Variants in GSG1 observed in about 807,000 individuals in gnomAD.
GSG1 encodes germ cell associated 1.
In GSG1, 28 loss-of-function variants were observed where a neutral mutation model predicts 30.8. The ratio of observed to expected loss-of-function variants is 0.91; its 90% CI spans 0.67 to 1.25. The LOEUF (loss-of-function observed/expected upper bound fraction) is 1.25. Among genes scored for constraint, GSG1 ranks in the 50% most tolerant of loss-of-function variants. The pLI, the probability that GSG1 is intolerant of heterozygous loss-of-function variation, is 0.00. For missense variants in GSG1, 435 were observed against 444.7 expected (o/e 0.98, Z 0.20); for synonymous variants, 162 against 178.0 (o/e 0.91, Z 0.71).
Position 13,099,245 on chromosome 12 carries a change from G to A in GSG1, c.48+4220C>T, listed in dbSNP as rs116416744. ...CTTCCTTTCATTGTAATTTGGGCAT[G>A]TTAATATTTTTTTCTTCCTTTTCCT... On this transcript the variant is annotated intron_variant, in intron 1 of 6. Coordinates refer to ENST00000651961, the MANE Select transcript of GSG1 (RefSeq NM_001080555.4). Among the ~76,000 whole-genome samples, 847 of 152,316 alleles carry A rather than the reference G, an allele frequency of 5.6e-3. 4 individuals are homozygous for A. Among genetic ancestry groups the A allele is most frequent in the African/African-American group, 0.019 (788 of 41,574 alleles).
At position 13,085,038 on chromosome 12, in the gene GSG1, A is replaced by G. The variant is rs768051558; in HGVS notation, c.952T>C (p.Tyr318His). The change falls in exon 7 of 7, where the codon TAT (tyrosine) becomes CAT (histidine). Residue 318 changes from tyrosine (Y) to histidine (H), a missense_variant. By Grantham distance (83) the Tyr-to-His change is moderately conservative. Coordinates refer to ENST00000651961, the MANE Select transcript of GSG1 (RefSeq NM_001080555.4). ...ACAGAGTGGATGGGCTGATTATGATACTGGTGGTAGCTGGTCAAAGGACCC... is the reference window on the plus strand; with the variant it reads ...ACAGAGTGGATGGGCTGATTATGATGCTGGTGGTAGCTGGTCAAAGGACCC... ...TVGPLTSYHQ[Y>H]HNQPIHSVSE... The G allele has an allele frequency of 6.3e-7, 1 of 1,584,432 alleles. No individual in the cohort carries two copies. The highest frequency in any genetic ancestry group is 1.1e-5 in the South Asian group (1 of 87,662).
chr12:13,086,246 G>A (rs1203311160), intron 6 of GSG1, among the ~76,000 whole-genome samples: 2 of 152,240 alleles, frequency 1.3e-5, no homozygotes, highest in African/African-American at 2.4e-5. Flanking sequence ...CCTGAAGACA[G>A]ACAAAAGGTG....
intron 1 of GSG1, among the ~76,000 whole-genome samples, chr12:13,100,953 C>T (rs1863151084): frequency 6.6e-6 from 1 of 152,194 alleles, no homozygotes; most frequent in South Asian, 2.1e-4. Flanking sequence ...AAAAGCGTAT[C>T]GGGGCCTCGT....
At chr12:13,085,600 C>T (rs929864785) in intron 6 of GSG1, among the ~76,000 whole-genome samples, 7 of 151,872 alleles carry the variant, frequency 4.6e-5, no homozygotes, top group African/African-American at 1.7e-4. Flanking sequence ...CCAAGATTCC[C>T]CAGGCCTGAA....
rs1158919435 is a variant in GSG1 at position 13,091,999 on chromosome 12, C to T, written c.49-1181G>A. Among the ~76,000 whole-genome samples, 4 of 152,176 alleles carry T rather than the reference C, an allele frequency of 2.6e-5. No homozygotes were observed. In the South Asian group the frequency reaches 6.2e-4, roughly 24 times the overall value. On this transcript the variant is annotated intron_variant, in intron 1 of 6. Coordinates refer to ENST00000651961, the MANE Select transcript of GSG1 (RefSeq NM_001080555.4). Reference sequence around the variant, plus strand: ...ATGCATCTTTAAGTTGAACCTTACACAGATCCAACTACAGAAAAGTGGTGA... The same window carrying T: ...ATGCATCTTTAAGTTGAACCTTACATAGATCCAACTACAGAAAAGTGGTGA...
intron 1 of GSG1, among the ~76,000 whole-genome samples, chr12:13,092,789 C>CT (rs139352942): frequency 1.2e-4 from 17 of 144,550 alleles, no homozygotes; most frequent in African/African-American, 4.3e-4. Context: ...TAAACTTTTT[C>CT]TTTTTTTTTT....
At position 13,087,257 on chromosome 12, in the gene GSG1, A is replaced by G; in HGVS notation, c.641T>C (p.Leu214Pro). The change falls in exon 6 of 7, where the codon CTG becomes CCG. Residue 214 changes from leucine to proline, a missense_variant. Transcript: ENST00000651961. ...AAVSSVLSGL[L>P]GMVAHMMYSQ... ...ATACATCATGTGGGCCACCATCCCC[A>G]GGAGACCTACCAAGGAAACAGGAAG... 4.3e-6 allele frequency: 7 copies of G among 1,612,670 alleles called. No individual in the cohort carries two copies. The highest frequency in any genetic ancestry group is 1.7e-4 in the Middle Eastern group (1 of 6,058).
intron 1 of GSG1, among the ~76,000 whole-genome samples, chr12:13,096,300 C>T (rs952917141): frequency 1.2e-4 from 18 of 151,816 alleles, no homozygotes; most frequent in African/African-American, 3.4e-4. Flanking sequence ...GCTGAAATCC[C>T]GTCTCTACTA....
In GSG1 at chr12:13,090,690, G is replaced by A. The variant is rs1284040282; in HGVS notation, c.177C>T (p.Pro59=). ...NYWFVGTQKV[P]KPLCEKGLAA... is the part of the protein sequence containing the mutation. ...CCAGACCTTTCTCGCACAGGGGCTT[G>A]GGCACCTTCTGTGTGCCCACAAACC... Residue 59 remains proline (P), a synonymous_variant, in exon 2 of 7, where the codon CCC becomes CCT. Transcript: ENST00000651961. The A allele has an allele frequency of 6.2e-7, 1 of 1,614,226 alleles. No homozygotes were observed. The highest frequency in any genetic ancestry group is 8.5e-7 in the Non-Finnish European group (1 of 1,180,036).
intron 6 of GSG1, among the ~76,000 whole-genome samples, chr12:13,086,037 C>G (rs1054681313): frequency 6.6e-6 from 1 of 152,136 alleles, no homozygotes; most frequent in Non-Finnish European, 1.5e-5. Context: ...CTGGGAAGCT[C>G]AGGAAACAGG....
chr12:13,090,061 G>T (rs759173850), intron 2 of GSG1, among the ~76,000 whole-genome samples: 1 of 152,048 alleles, frequency 6.6e-6, no homozygotes, highest in Non-Finnish European at 1.5e-5. Flanking sequence ...AAAGAAAAAA[G>T]AAATGAAGTT....
chr12:13,090,360 G>C, intron 2 of GSG1, 143 bp downstream of exon 2: 1 of 680,900 alleles, frequency 1.5e-6, no homozygotes, highest in Non-Finnish European at 2.5e-6. Context: ...CTGGGAGAAG[G>C]GAGTGAGGCC....
At chr12:13,085,759 G>A (rs1342959437) in intron 6 of GSG1, among the ~76,000 whole-genome samples, 2 of 152,098 alleles carry the variant, frequency 1.3e-5, no homozygotes, top group Non-Finnish European at 2.9e-5. Flanking sequence ...GAACTTAGCA[G>A]TCTTAGGGTC....
At chr12:13,098,456 A>ATTTTTTTTTTTTTTTTTT (rs771887535) in intron 1 of GSG1, among the ~76,000 whole-genome samples, 4 of 47,384 alleles carry the variant, frequency 8.4e-5, no homozygotes, top group African/African-American at 1.7e-4. Context: ...CATGTAGCCC[A>ATTTTTTTTTTTTTTTTTT]TTTTTTTTTT....
In GSG1 at chr12:13,087,984, G is replaced by A. The variant is rs1865703185; in HGVS notation, c.557C>T (p.Thr186Ile). 6.2e-7 allele frequency: 1 copy of A among 1,614,270 alleles called. No homozygotes were observed. The highest frequency in any genetic ancestry group is 8.5e-7 in the Non-Finnish European group (1 of 1,180,032). Residue 186 changes from threonine to isoleucine, a missense_variant, in exon 5 of 7, where the codon ACA becomes ATA. Physicochemically the swap from Thr to Ile is moderately conservative, Grantham distance 89. Transcript: ENST00000651961. ...AGGGTTCCCAGTGAGTAGCAAGTCTGTTAGTAGCAGGAGGAAGCTGATGAA... is the reference window on the plus strand; with the variant it reads ...AGGGTTCCCAGTGAGTAGCAAGTCTATTAGTAGCAGGAGGAAGCTGATGAA... ...LQFISFLLLL[T>I]DLLLTGNPAC...
At chr12:13,095,722 C>T in intron 1 of GSG1, 2 of 1,570,684 alleles carry the variant, frequency 1.3e-6, no homozygotes, top group East Asian at 2.4e-5. Flanking sequence ...TCCCTCTCCT[C>T]CTACCCCTCC....
intron 2 of GSG1, 119 bp downstream of exon 2, chr12:13,090,384 G>A (rs373427343): frequency 2.3e-6 from 2 of 857,044 alleles, no homozygotes; most frequent in African/African-American, 1.7e-5. Context: ...TGGGGTGTGG[G>A]CAGTGCTGCA....
In GSG1 at chr12:13,090,647, T is replaced by G; in HGVS notation, c.220A>C (p.Met74Leu). 4 of 1,614,262 alleles carry G rather than the reference T, an allele frequency of 2.5e-6. No homozygotes were observed. Among genetic ancestry groups the G allele is most frequent in the Non-Finnish European group, 2.5e-6 (3 of 1,180,044 alleles). The change falls in exon 2 of 7, where the codon ATG (methionine) becomes CTG (leucine). Residue 74 changes from methionine (M) to leucine (L), a missense_variant. Physicochemically the swap from Met to Leu is conservative, Grantham distance 15 (BLOSUM62 2). Transcript: ENST00000651961. ...GTATCTCCATCCAGGGACACTGGCA[T>G]GTCAAAGCACTTGGCTGCCAGACCT... ...EKGLAAKCFD[M>L]PVSLDGDTNT...
At chr12:13,088,449 A>G (rs1865759604) in intron 4 of GSG1, among the ~76,000 whole-genome samples, 1 of 152,054 alleles carries the variant, frequency 6.6e-6, no homozygotes, top group Admixed American at 6.5e-5. Context: ...TCATTTTACC[A>G]AATAATAATA....
Sources: allele counts gnomAD v4.1 joint callset (sites outside exome capture counted in the v4.1 genomes callset), GRCh38; gene constraint gnomAD v4.1.1; transcripts MANE v1.5; gene names NCBI Gene and HGNC (gene_info 2026-07-23, HGNC 2026-07-21).